The following CCAR1 variants were observed in gnomAD, a reference collection of about 807,000 sequenced individuals.
CCAR1 encodes cell division cycle and apoptosis regulator 1.
Under a neutral mutation model 163.8 loss-of-function variants are expected in CCAR1, and 78 were observed. The ratio of observed to expected loss-of-function variants is 0.48; its 90% CI spans 0.40 to 0.57. CCAR1 has a LOEUF of 0.57. Among genes scored for constraint, CCAR1 ranks in the 20% least tolerant of loss-of-function variants. The pLI, the probability that CCAR1 is intolerant of heterozygous loss-of-function variation, is 0.00. For synonymous variants in CCAR1, 443 were observed against 460.7 expected (o/e 0.96, Z 0.49); for missense variants, 1,019 against 1,365.2 (o/e 0.75, Z 4.00).
chr10:68,728,579 G>A (rs761980718), intron 2 of CCAR1, among the ~76,000 whole-genome samples: 11 of 152,142 alleles, frequency 7.2e-5, no homozygotes, highest in Non-Finnish European at 1.3e-4. Flanking sequence ...GTCTGAGAGC[G>A]GAAGAGCTGT....
At chr10:68,784,742 G>A (rs551081109) in intron 19 of CCAR1, among the ~76,000 whole-genome samples, 3 of 151,968 alleles carry the variant, frequency 2.0e-5, no homozygotes, top group South Asian at 2.1e-4. Context: ...TGTAGAGACC[G>A]GGTCTCATTA....
chr10:68,760,569 T>G (rs2056455885), intron 15 of CCAR1, among the ~76,000 whole-genome samples: 1 of 152,186 alleles, frequency 6.6e-6, no homozygotes, highest in Non-Finnish European at 1.5e-5. Context: ...CACCACATTT[T>G]TAAAAAGTCA....
intron 19 of CCAR1, among the ~76,000 whole-genome samples, chr10:68,785,069 C>T (rs2056781275): frequency 6.6e-6 from 1 of 151,522 alleles, no homozygotes. Context: ...AGACGCCGGC[C>T]ACCATGCCAG....
At chr10:68,785,626 C>T (rs2056787569) in intron 19 of CCAR1, among the ~76,000 whole-genome samples, 1 of 152,110 alleles carries the variant, frequency 6.6e-6, no homozygotes, top group Admixed American at 6.6e-5. Flanking sequence ...TCAGTAACTC[C>T]CAAGTTGTGC....
At chr10:68,758,689 ATT>A (rs869159556) in intron 15 of CCAR1, among the ~76,000 whole-genome samples, 2 of 13,364 alleles carry the variant, frequency 1.5e-4, no homozygotes, top group Non-Finnish European at 2.1e-4. Context: ...GTATATATAT[ATT>A]TTTTTTTTTG....
Position 68,723,641 on chromosome 10 carries a change from A to T in CCAR1, c.73+1064A>T, listed in dbSNP as rs550845654. On this transcript the variant is annotated intron_variant, in intron 2 of 24. Transcript: ENST00000265872. Reference sequence around the variant, plus strand: ...AGGCGGGCAGATCACAAGGTCAGGAAATCGAGACCATCCTGGCTTACATGG... The same window carrying T: ...AGGCGGGCAGATCACAAGGTCAGGATATCGAGACCATCCTGGCTTACATGG... 2.4e-4 allele frequency among the ~76,000 whole-genome samples: 34 copies of T among 142,868 alleles called. No individual in the cohort carries two copies. In the East Asian group the frequency reaches 7.2e-3, roughly 30 times the overall value. 93.7% of individuals were successfully genotyped at this position (142,868 alleles called of 152,430 possible). A position where few individuals can be genotyped will look rare whatever the true frequency, so the allele number is the denominator to read the frequency against.
At chr10:68,742,877 C>T (rs2056200437) in intron 6 of CCAR1, among the ~76,000 whole-genome samples, 1 of 152,176 alleles carries the variant, frequency 6.6e-6, no homozygotes, top group Non-Finnish European at 1.5e-5. Context: ...CTCAGCTTCC[C>T]AAGGTGCTGG....
intron 24 of CCAR1, 112 bp from the exon 25 acceptor site, chr10:68,791,095 C>T: frequency 1.9e-6 from 1 of 530,394 alleles, no homozygotes; most frequent in Non-Finnish European, 3.3e-6. Flanking sequence ...ATTTATTGTT[C>T]TTTATCACTA....
At position 68,760,876 on chromosome 10, in the gene CCAR1, AAAC is replaced by A. The variant is rs1368887479; in HGVS notation, c.1921-128_1921-126del. On this transcript the variant is annotated intron_variant, in intron 15 of 24. Transcript: ENST00000265872. ...TTGGCTCTGTTTCAAAAAAAACAAA[AAAC>A]AAAAAAAAAAAAAACACACAAAATA... is the stretch of plus-strand genomic sequence containing the variant. The A allele has an allele frequency of 1.6e-4, 64 of 397,134 alleles. No individual in the cohort carries two copies. The African/African-American group carries it at 2.6e-3, about 16-fold the overall frequency. 24.6% of individuals were successfully genotyped at this position (397,134 alleles called of 1,614,324 possible).
rs1189442222 is a variant in CCAR1 at position 68,788,132 on chromosome 10, T to A, written c.3002-11T>A. 4 of 1,472,632 alleles carry A rather than the reference T, an allele frequency of 2.7e-6. No homozygotes were observed. Among genetic ancestry groups the A allele is most frequent in the Non-Finnish European group, 3.7e-6 (4 of 1,089,180 alleles). The allele number at this position is 1,472,632 out of a possible 1,614,324, so 91.2% of individuals were successfully genotyped here. ...ATAACTTACTAAAATATGGTATATT[T>A]TATATTATAGGAAACAGATTATTAC... On this transcript the variant is annotated splice_polypyrimidine_tract_variant and intron_variant, in intron 22 of 24. Transcript: ENST00000265872.
chr10:68,757,431 C>A, intron 15 of CCAR1, 54 bp downstream of exon 15: 1 of 1,002,752 alleles, frequency 1.0e-6, no homozygotes, highest in Admixed American at 1.8e-5. Context: ...AAAGTTCTTT[C>A]TGAGATGGAG....
At chr10:68,763,369 T>G (rs912787134) in intron 16 of CCAR1, among the ~76,000 whole-genome samples, 2 of 152,090 alleles carry the variant, frequency 1.3e-5, no homozygotes, top group Admixed American at 1.3e-4. Flanking sequence ...CAGGATGGTC[T>G]CAATCTCTTG....
intron 4 of CCAR1, 148 bp from the exon 5 acceptor site, chr10:68,740,481 G>A (rs373244762): frequency 3.1e-6 from 2 of 648,354 alleles, no homozygotes; most frequent in Admixed American, 5.7e-5. Context: ...GACTACCCTG[G>A]GCAACATAGT....
Position 68,737,856 on chromosome 10 carries a change from A to G in CCAR1, c.258A>G (p.Gln86=). The stretch of plus-strand genomic sequence containing the variant: ...TTTTAATCTTTCAGCAATATTCACA[A>G]CCTCAGCAGGCCCTGTATAGTGTGC... The part of the protein sequence containing the change: ...AAAALQQQYS[Q]PQQALYSVQQ... The change falls in exon 4 of 25, where the codon CAA becomes CAG. Residue 86 remains glutamine, a synonymous_variant. Coordinates refer to ENST00000265872, the MANE Select transcript of CCAR1 (RefSeq NM_018237.4). The G allele has an allele frequency of 6.3e-7, 1 of 1,591,990 alleles. No homozygotes were observed. Among genetic ancestry groups the G allele is most frequent in the Non-Finnish European group, 8.5e-7 (1 of 1,172,728 alleles).
At chr10:68,787,861 GT>G in intron 21 of CCAR1, 65 bp from the exon 22 acceptor site, 1 of 1,463,698 alleles carries the variant, frequency 6.8e-7, no homozygotes, top group Non-Finnish European at 9.3e-7. Flanking sequence ...TTATATCATA[GT>G]TTTTCTAAGA....
intron 21 of CCAR1, 186 bp downstream of exon 21, chr10:68,786,878 A>T (rs1347629013): frequency 2.2e-6 from 1 of 459,390 alleles, no homozygotes; most frequent in Non-Finnish European, 3.8e-6. Flanking sequence ...TGAGGCCAGG[A>T]GTTTAAGACC....
chr10:68,730,281 A>T (rs2056018187), intron 2 of CCAR1, among the ~76,000 whole-genome samples: 2 of 151,648 alleles, frequency 1.3e-5, no homozygotes, highest in East Asian at 1.9e-4. Context: ...ATATTATAAC[A>T]TGACTGTTTT....
chr10:68,754,204 C>T, intron 11 of CCAR1, 127 bp downstream of exon 11: 2 of 603,038 alleles, frequency 3.3e-6, no homozygotes, highest in South Asian at 5.4e-5. Flanking sequence ...TTCTTAACTG[C>T]TTGATCCTAT....
intron 2 of CCAR1, among the ~76,000 whole-genome samples, chr10:68,723,158 G>A (rs1028444242): frequency 1.4e-5 from 2 of 147,052 alleles, no homozygotes; most frequent in African/African-American, 5.0e-5. Context: ...GTCTTGCTCT[G>A]TCGCCCAGGC....
Sources: allele counts gnomAD v4.1 joint callset (sites outside exome capture counted in the v4.1 genomes callset), GRCh38; gene constraint gnomAD v4.1.1; transcripts MANE v1.5; gene names NCBI Gene and HGNC (gene_info 2026-07-23, HGNC 2026-07-21).